The following C5AR1 variants were observed in gnomAD, a reference collection of about 807,000 sequenced individuals.
C5AR1 encodes the protein C5a anaphylatoxin chemotactic receptor 1.
A neutral mutation model predicts 2.4 loss-of-function variants in C5AR1; 4 were observed. That is an observed-to-expected ratio of 1.65 (90% CI 0.81 to 3.77). The LOEUF is 3.77. C5AR1 is among the 30% of genes most tolerant of loss of function. The pLI, the probability that C5AR1 is intolerant of heterozygous loss-of-function variation, is 0.01. For synonymous variants in C5AR1, 209 were observed against 210.4 expected, an observed-to-expected ratio of 0.99 and a Z score of 0.06; for missense variants, 418 against 462.5, an observed-to-expected ratio of 0.90 and a Z score of 0.88.
chr19:47,316,929 G>A (rs1310387445), intron 1 of C5AR1, among the ~76,000 whole-genome samples: 1 of 151,472 alleles, frequency 6.6e-6, no homozygotes, highest in Non-Finnish European at 1.5e-5. Flanking sequence ...TGTAATCTCA[G>A]CACTTTGGGA....
In C5AR1 at chr19:47,320,686, C is replaced by T. The variant is rs202114692; in HGVS notation, c.909C>T (p.Ala303=). 372 of 1,614,210 alleles carry T rather than the reference C, an allele frequency of 2.3e-4. 1 individual carries two copies. Among genetic ancestry groups the T allele is most frequent in the Admixed American group, 1.5e-3 (88 of 60,000 alleles). ...TCAACCCCATCATCTACGTGGTGGC[C>T]GGCCAGGGCTTCCAGGGCCGACTGC... The part of the protein sequence containing the change: ...CCINPIIYVV[A]GQGFQGRLRK... The change falls in exon 2 of 2, where the codon GCC becomes GCT. Residue 303 remains alanine, a synonymous_variant. Transcript: ENST00000355085. The surrounding 1 kb of genome is among the most constrained non-coding windows in gnomAD (Gnocchi z 4.9).
At chr19:47,307,991 G>A (rs1335192668), upstream of C5AR1, among the ~76,000 whole-genome samples, 1 of 151,422 alleles carries the variant, frequency 6.6e-6, no homozygotes, top group East Asian at 2.0e-4. Context: ...GAGGCGGGTG[G>A]ATCACGAGGT....
In C5AR1 at chr19:47,319,832, A is replaced by G. The variant is rs750975119; in HGVS notation, c.55A>G (p.Thr19Ala). The G allele has an allele frequency of 1.4e-5, 22 of 1,613,870 alleles. No homozygotes were observed. The East Asian group carries it at 4.9e-4, about 36-fold the overall frequency. Residue 19 changes from threonine (T) to alanine (A), a missense_variant, in exon 2 of 2, where the codon ACC becomes GCC. By Grantham distance (58) the Thr-to-Ala change is moderately conservative. Coordinates refer to ENST00000355085, the MANE Select transcript of C5AR1 (RefSeq NM_001736.4). ...TTATGGGCACTATGATGACAAGGAT[A>G]CCCTGGACCTCAACACCCCTGTGGA... Reference protein sequence around the residue: ...PDYGHYDDKDTLDLNTPVDKT... With the variant: ...PDYGHYDDKDALDLNTPVDKT...
chr19:47,315,073 G>T (rs1011567574), intron 1 of C5AR1, among the ~76,000 whole-genome samples: 5 of 151,932 alleles, frequency 3.3e-5, no homozygotes, highest in Non-Finnish European at 7.4e-5. Flanking sequence ...TGTAGGGATA[G>T]GGTCTTGCTA....
chr19:47,318,917 A>C (rs1599731673), intron 1 of C5AR1, among the ~76,000 whole-genome samples: 6 of 111,572 alleles, frequency 5.4e-5, no homozygotes, highest in East Asian at 2.5e-4. Flanking sequence ...ATGGAGTCTC[A>C]CTCTGTTACC....
rs546275644 is a variant in C5AR1, at chr19:47,320,998, C to G, written c.*168C>G. 1 of 591,186 alleles carries G rather than the reference C, an allele frequency of 1.7e-6. No individual in the cohort carries two copies. The highest frequency in any genetic ancestry group is 2.9e-6 in the Non-Finnish European group (1 of 341,998). 36.6% of individuals were successfully genotyped at this position (591,186 alleles called of 1,614,324 possible). A position where few individuals can be genotyped will look rare whatever the true frequency, so the allele number is the denominator to read the frequency against. ...TCCCTCCTTTTCCAGCGGGACTCTT[C>G]TCATCCTTCCTCATTTGCAAGGTGA... On this transcript the variant is annotated 3_prime_UTR_variant, in exon 2 of 2. Transcript: ENST00000355085. The surrounding 1 kb of genome is among the most constrained non-coding windows in gnomAD (Gnocchi z 4.9).
rs777081511 is a variant in C5AR1, at chr19:47,320,603, C to A, written c.826C>A (p.Leu276Met). The A allele has an allele frequency of 2.5e-6, 4 of 1,614,094 alleles. No homozygotes were observed. Among genetic ancestry groups the A allele is most frequent in the Non-Finnish European group, 3.4e-6 (4 of 1,179,980 alleles). Residue 276 changes from leucine to methionine, a missense_variant, in exon 2 of 2, where the codon CTG (leucine) becomes ATG (methionine). Transcript: ENST00000355085. The surrounding 1 kb of genome is among the most constrained non-coding windows in gnomAD (Gnocchi z 4.9). ...CCTGGAGCCATCGTCACCCACCTTC[C>A]TGCTGCTGAAGAAGCTGGACTCCCT... ...SFLEPSSPTF[L>M]LLKKLDSLCV...
At chr19:47,315,804 A>G (rs2122135080) in intron 1 of C5AR1, among the ~76,000 whole-genome samples, 1 of 152,216 alleles carries the variant, frequency 6.6e-6, no homozygotes, top group African/African-American at 2.4e-5. Context: ...ACCAGTGAAA[A>G]TATTTTTAAA....
chr19:47,319,870 C>G lies in C5AR1; in HGVS notation c.93C>G (p.Asn31Lys), dbSNP rs1318396955. ...DLNTPVDKTS[N>K]TLRVPDILAL... ...ACACCCCTGTGGATAAAACTTCTAA[C>G]ACGCTGCGTGTTCCAGACATCCTGG... Residue 31 changes from asparagine to lysine, a missense_variant, in exon 2 of 2, where the codon AAC becomes AAG. Asn to Lys is a moderately conservative substitution (Grantham distance 94). Coordinates refer to ENST00000355085, the MANE Select transcript of C5AR1 (RefSeq NM_001736.4). 2 of 1,614,230 alleles carry G rather than the reference C, an allele frequency of 1.2e-6. No individual in the cohort carries two copies. Among genetic ancestry groups the G allele is most frequent in the East Asian group, 4.5e-5 (2 of 44,880 alleles).
At chr19:47,319,360 G>A (rs2059300600) in intron 1 of C5AR1, among the ~76,000 whole-genome samples, 1 of 138,858 alleles carries the variant, frequency 7.2e-6, no homozygotes, top group African/African-American at 2.7e-5. Flanking sequence ...CTAAGCTGGA[G>A]TGCAATGGTA....
In C5AR1 at chr19:47,320,419, T is replaced by A; in HGVS notation, c.642T>A (p.Pro214=). ...IVRLVLGFLW[P]LLTLTICYTF... ...GGCTGGTCCTGGGCTTCCTGTGGCC[T>A]CTACTCACGCTCACGATTTGTTACA... Residue 214 remains proline, a synonymous_variant, in exon 2 of 2, where the codon CCT becomes CCA. Coordinates refer to ENST00000355085, the MANE Select transcript of C5AR1 (RefSeq NM_001736.4). This position sits in a 1 kb window ranked among gnomAD's most constrained non-coding sequence, Gnocchi z 4.9. The A allele has an allele frequency of 6.2e-7, 1 of 1,610,816 alleles. No individual in the cohort carries two copies. Among genetic ancestry groups the A allele is most frequent in the East Asian group, 2.2e-5 (1 of 44,884 alleles).
intron 1 of C5AR1, among the ~76,000 whole-genome samples, chr19:47,314,991 G>A (rs182078342): frequency 6.6e-6 from 1 of 152,290 alleles, no homozygotes; most frequent in African/African-American, 2.4e-5. Context: ...ACCACGCCTG[G>A]CCTCACCCTA....
intron 1 of C5AR1, among the ~76,000 whole-genome samples, chr19:47,313,774 GGCTCA>G (rs2059277973): frequency 6.6e-6 from 1 of 151,856 alleles, no homozygotes; most frequent in African/African-American, 2.4e-5. Flanking sequence ...AGGGCTCTGG[GGCTCA>G]GCTCTCAGGA....
chr19:47,319,589 G>A (rs549663829), intron 1 of C5AR1, among the ~76,000 whole-genome samples, 192 bp from the exon 2 acceptor site: 3 of 152,224 alleles, frequency 2.0e-5, no homozygotes, highest in Admixed American at 2.0e-4. Context: ...GATGACAGGC[G>A]TGAGCTACGG....
upstream of C5AR1, among the ~76,000 whole-genome samples, chr19:47,309,572 CAAAAAAAA>C (rs35475766): frequency 1.0e-5 from 1 of 96,920 alleles, no homozygotes; most frequent in Non-Finnish European, 2.1e-5. Context: ...AAGACTCTAT[CAAAAAAAA>C]AAAAAAAAAA....
chr19:47,312,605 GTAT>G (rs1290186939), intron 1 of C5AR1, among the ~76,000 whole-genome samples: 1 of 152,140 alleles, frequency 6.6e-6, no homozygotes, highest in East Asian at 1.9e-4. Context: ...ATAACATATA[GTAT>G]TATTAACTAG....
chr19:47,314,012 C>G (rs2059278561), intron 1 of C5AR1, among the ~76,000 whole-genome samples: 1 of 152,102 alleles, frequency 6.6e-6, no homozygotes, highest in African/African-American at 2.4e-5. Flanking sequence ...TTCTCCTTCA[C>G]CCTGTTCTCA....
At chr19:47,318,291 T>C (rs56150526) in intron 1 of C5AR1, among the ~76,000 whole-genome samples, 9 of 151,932 alleles carry the variant, frequency 5.9e-5, no homozygotes, top group African/African-American at 2.2e-4. Flanking sequence ...GGGCATTTTT[T>C]TTTCTTTCTT....
chr19:47,319,304 ATTTTTT>A (rs34731685), intron 1 of C5AR1, among the ~76,000 whole-genome samples: 10 of 94,138 alleles, frequency 1.1e-4, no homozygotes, highest in Non-Finnish European at 1.5e-4. Context: ...GAATCATTTC[ATTTTTT>A]TTTTTTTTTT....
Sources: gnomAD v4.1 joint callset for allele counts (sites outside exome capture counted in the v4.1 genomes callset) on GRCh38, gnomAD v4.1.1 for gene constraint, Gnocchi (gnomAD v3.1) non-coding constraint, MANE v1.5 for transcripts, NCBI Gene and HGNC (gene_info 2026-07-23, HGNC 2026-07-21) for gene names.